Variants in DDX60 observed in about 807,000 individuals in gnomAD.
DDX60 encodes the protein DExD/H-box helicase 60.
Under a neutral mutation model 212.8 loss-of-function variants are expected in DDX60, and 165 were observed. The observed-to-expected ratio is 0.78, with a 90% CI of 0.68 to 0.88. DDX60 has a LOEUF of 0.88. Among genes scored for constraint, DDX60 ranks in the 40% least tolerant of loss-of-function variants. The pLI is 0.00. For missense variants in DDX60, 1,905 were observed against 2,003.9 expected (o/e 0.95, Z 0.94); for synonymous variants, 703 against 685.3 (o/e 1.03, Z -0.40).
Position 168,236,392 on chromosome 4 carries a change from C to T in DDX60, c.4412-19G>A, listed in dbSNP as rs745893073. ...TTTGAGCCTATATAAAACAAAGTGT[C>T]TTCTTGTAAATATGAAAGGGTATAA... On this transcript the variant is annotated intron_variant, in intron 32 of 37. Transcript: ENST00000393743. 8 of 1,569,954 alleles carry T rather than the reference C, an allele frequency of 5.1e-6. No homozygotes were observed. Among genetic ancestry groups the T allele is most frequent in the Non-Finnish European group, 6.0e-6 (7 of 1,158,752 alleles).
intron 8 of DDX60, among the ~76,000 whole-genome samples, chr4:168,290,329 T>TTTTC (rs1736034892): frequency 3.3e-5 from 2 of 59,956 alleles, no homozygotes; most frequent in Admixed American, 3.3e-4. Flanking sequence ...TTTTCTTTTC[T>TTTTC]TTTTTTTTTT....
chr4:168,274,867 T>A (rs1045950586), intron 16 of DDX60, among the ~76,000 whole-genome samples: 1 of 152,218 alleles, frequency 6.6e-6, no homozygotes, highest in African/African-American at 2.4e-5. Flanking sequence ...GTTCAATGTA[T>A]GTAGAAATGC....
chr4:168,230,915 T>C (rs1733428209), intron 33 of DDX60, among the ~76,000 whole-genome samples: 1 of 151,880 alleles, frequency 6.6e-6, no homozygotes, highest in South Asian at 2.1e-4. Context: ...AGCTGGTTCT[T>C]TGAAAAAATA....
chr4:168,291,021 A>T lies in DDX60; in HGVS notation c.1041+727T>A, dbSNP rs962362099. On this transcript the variant is annotated intron_variant, in intron 8 of 37. Coordinates refer to ENST00000393743, the MANE Select transcript of DDX60 (RefSeq NM_017631.6). ...CTCTCAAGCCAAAATCAATAACCCC[A>T]AATTAAAGGAAAAGGCTTATACACA... is the stretch of plus-strand genomic sequence containing the variant. Among the ~76,000 whole-genome samples, 3 of 152,176 alleles carry T rather than the reference A, an allele frequency of 2.0e-5. No individual in the cohort carries two copies. The South Asian group carries it at 6.2e-4, about 32-fold the overall frequency.
At position 168,284,913 on chromosome 4, in the gene DDX60, G is replaced by A. The variant is rs374157504; in HGVS notation, c.1468C>T (p.Leu490=). 4.4e-6 allele frequency: 7 copies of A among 1,591,184 alleles called. No individual in the cohort carries two copies. The highest frequency in any genetic ancestry group is 6.0e-6 in the Non-Finnish European group (7 of 1,165,238). ...LKSDDPIVTS[L]VKQKEFDELV... ...TCATCAAATTCCTTTTGTTTAACCA[G>A]TGAAGTAACAATAGGATCATCACTG... is the stretch of plus-strand genomic sequence containing the variant. Residue 490 remains leucine, a synonymous_variant, in exon 12 of 38, where the codon CTG becomes TTG. Transcript: ENST00000393743.
chr4:168,315,521 C>T (rs1426211751), intron 1 of DDX60, among the ~76,000 whole-genome samples: 1 of 152,138 alleles, frequency 6.6e-6, no homozygotes, highest in Admixed American at 6.5e-5. Context: ...AACCCGTCAT[C>T]CAGGTTTTAA....
chr4:168,284,506 T>C (rs556412257), intron 12 of DDX60, among the ~76,000 whole-genome samples: 1 of 152,184 alleles, frequency 6.6e-6, no homozygotes, highest in African/African-American at 2.4e-5. Context: ...ACAGTTAAAA[T>C]TGCTTGAAAG....
Position 168,282,631 on chromosome 4 carries a change from T to A in DDX60, c.1722+815A>T, listed in dbSNP as rs180943208. Among the ~76,000 whole-genome samples, 849 of 152,264 alleles carry A rather than the reference T, an allele frequency of 5.6e-3. 8 individuals carry two copies. Among genetic ancestry groups the A allele is most frequent in the African/African-American group, 0.019 (803 of 41,554 alleles). On this transcript the variant is annotated intron_variant, in intron 13 of 37. Coordinates refer to ENST00000393743, the MANE Select transcript of DDX60 (RefSeq NM_017631.6). ...TTGAGAGAAACTTTTTTGTGAAAAT[T>A]AATGCCATTTCCAAAACCCCAACTT...
chr4:168,261,719 T>C (rs1196380676), intron 24 of DDX60, among the ~76,000 whole-genome samples: 1 of 152,178 alleles, frequency 6.6e-6, no homozygotes, highest in Non-Finnish European at 1.5e-5. Flanking sequence ...GTATCAACAA[T>C]ATCATCTCTA....
intron 30 of DDX60, among the ~76,000 whole-genome samples, chr4:168,242,262 A>G (rs1218309909): frequency 1.3e-5 from 2 of 152,218 alleles, no homozygotes; most frequent in African/African-American, 2.4e-5. Context: ...GAGAACCTGC[A>G]CAGAGTCCCT....
At chr4:168,308,847 G>A (rs997091697) in intron 3 of DDX60, among the ~76,000 whole-genome samples, 2 of 151,224 alleles carry the variant, frequency 1.3e-5, no homozygotes, top group African/African-American at 2.4e-5. Context: ...CTCTCAAACC[G>A]TGCAGCCTAC....
intron 6 of DDX60, among the ~76,000 whole-genome samples, chr4:168,297,275 A>G (rs1404350545): frequency 2.1e-4 from 30 of 140,586 alleles, no homozygotes; most frequent in African/African-American, 9.2e-4. Flanking sequence ...AAGAAAAAGA[A>G]AGAAAGAAAG....
intron 1 of DDX60, among the ~76,000 whole-genome samples, chr4:168,312,239 T>C (rs914241997): frequency 5.9e-5 from 9 of 152,126 alleles, no homozygotes; most frequent in African/African-American, 2.2e-4. Context: ...AGAACAAGGC[T>C]ACGTGTCAGG....
At chr4:168,297,283 A>AAG (rs367566324) in intron 6 of DDX60, among the ~76,000 whole-genome samples, 2,068 of 129,184 alleles carry the variant, frequency 0.016, 180 homozygotes, top group African/African-American at 0.065. Flanking sequence ...GAAAGAAAGA[A>AAG]AGAGAGAGAG....
intron 8 of DDX60, among the ~76,000 whole-genome samples, chr4:168,289,907 T>A (rs1255207541): frequency 6.6e-6 from 1 of 152,142 alleles, no homozygotes; most frequent in African/African-American, 2.4e-5. Flanking sequence ...ATGACTGAGG[T>A]AATAGCCACC....
At chr4:168,238,574 A>G (rs2149497514) in intron 30 of DDX60, among the ~76,000 whole-genome samples, 1 of 152,030 alleles carries the variant, frequency 6.6e-6, no homozygotes, top group Non-Finnish European at 1.5e-5. Flanking sequence ...TGCACTTTCC[A>G]TCTCCTTACT....
At chr4:168,261,191 A>C (rs1423271403) in intron 24 of DDX60, among the ~76,000 whole-genome samples, 3 of 152,220 alleles carry the variant, frequency 2.0e-5, no homozygotes, top group Non-Finnish European at 4.4e-5. Flanking sequence ...AAAATTTGGC[A>C]GTAATATATA....
chr4:168,247,000 C>T (rs1734047249), intron 29 of DDX60, among the ~76,000 whole-genome samples: 1 of 152,184 alleles, frequency 6.6e-6, no homozygotes, highest in Non-Finnish European at 1.5e-5. Flanking sequence ...CATCTCTCAT[C>T]CCTTTTCTAC....
At chr4:168,256,525 C>A (rs1734418975) in intron 25 of DDX60, among the ~76,000 whole-genome samples, 2 of 152,146 alleles carry the variant, frequency 1.3e-5, no homozygotes, top group Non-Finnish European at 2.9e-5. Context: ...CAGATCTGAG[C>A]AATTAGCTAC....
Sources: gnomAD v4.1 joint callset for allele counts (sites outside exome capture counted in the v4.1 genomes callset) on GRCh38, gnomAD v4.1.1 for gene constraint, MANE v1.5 for transcripts, NCBI Gene and HGNC (gene_info 2026-07-23, HGNC 2026-07-21) for gene names.